Variants in BBOF1 observed in about 807,000 individuals in gnomAD.
The protein encoded by BBOF1 is basal body-orientation factor 1.
A neutral mutation model predicts 68.0 loss-of-function variants in BBOF1; 62 were observed. That is an observed-to-expected ratio of 0.91 (90% confidence interval 0.74 to 1.13). The LOEUF is 1.13. Ranked by LOEUF, BBOF1 falls within the 50% of genes most tolerant of loss-of-function variation. BBOF1 has a pLI of 0.00. For synonymous variants in BBOF1, 208 were observed against 198.8 expected (o/e 1.05, Z -0.39); for missense variants, 534 against 600.1 (o/e 0.89, Z 1.15).
chr14:74,053,678 A>AT (rs773808148), intron 8 of BBOF1, among the ~76,000 whole-genome samples: 3 of 150,512 alleles, frequency 2.0e-5, no homozygotes, highest in Non-Finnish European at 4.4e-5. Flanking sequence ...AAGCTCCAGG[A>AT]TTACAGGTGT....
At chr14:74,050,290 G>A (rs2060038038) in intron 8 of BBOF1, 95 bp downstream of exon 8, 5 of 1,347,458 alleles carry the variant, frequency 3.7e-6, no homozygotes, top group African/African-American at 1.5e-5. Context: ...TAATATTCAA[G>A]TATTGAATAG....
Position 74,059,627 on chromosome 14 carries a change from G to A in BBOF1, c.1578+2369G>A, listed in dbSNP as rs144507608. ...GGAGAATCGCTTGAACCTGGGAGGC[G>A]GAGGTTGCGGTGAGCTGAGATCACG... On this transcript the variant is annotated intron_variant, in intron 11 of 11. Coordinates refer to ENST00000394009, the MANE Select transcript of BBOF1 (RefSeq NM_025057.3). 0.011 allele frequency: 2,531 copies of A among 233,632 alleles called. 64 individuals are homozygous for A. The highest frequency in any genetic ancestry group is 0.054 in the African/African-American group (2,341 of 43,012). The allele number at this position is 233,632 out of a possible 1,614,324, so 14.5% of individuals were successfully genotyped here.
At chr14:74,032,481 G>A (rs1337539026) in intron 3 of BBOF1, among the ~76,000 whole-genome samples, 2 of 146,224 alleles carry the variant, frequency 1.4e-5, no homozygotes, top group South Asian at 2.2e-4. Context: ...TTCAATTTAC[G>A]TTTCTCTCTT....
At chr14:74,071,912 A>T (rs750775712) in intron 9 of BBOF1, 1 of 1,614,204 alleles carries the variant, frequency 6.2e-7, no homozygotes, top group Admixed American at 1.7e-5. Context: ...CTCGAAATAC[A>T]TCTCCTTCAG....
intron 11 of BBOF1, chr14:74,060,836 C>CACTTTATAA: frequency 1.1e-6 from 1 of 895,844 alleles, no homozygotes; most frequent in Non-Finnish European, 1.9e-6. Context: ...TTATAAAGTG[C>CACTTTATAA]TACTCACTTT....
At chr14:74,044,797 T>G (rs1176534980) in intron 5 of BBOF1, among the ~76,000 whole-genome samples, 1 of 151,990 alleles carries the variant, frequency 6.6e-6, no homozygotes, top group Non-Finnish European at 1.5e-5. Context: ...TGATGGTAGG[T>G]GCCTGTAATC....
chr14:74,062,282 T>C (rs1197390340), intron 11 of BBOF1, among the ~76,000 whole-genome samples: 2 of 152,012 alleles, frequency 1.3e-5, no homozygotes, highest in Non-Finnish European at 2.9e-5. Context: ...GAAATGTTAC[T>C]AGTATCAAAT....
At chr14:74,055,441 G>T (rs557140370) in intron 8 of BBOF1, 143 bp from the exon 9 acceptor site, 28 of 615,524 alleles carry the variant, frequency 4.5e-5, no homozygotes, top group Admixed American at 2.6e-4. Context: ...GAGCCACCGC[G>T]CCTGGCCTGT....
intron 3 of BBOF1, chr14:74,031,811 T>G (rs560039314): frequency 6.6e-6 from 1 of 152,338 alleles, no homozygotes; most frequent in South Asian, 2.1e-4. Context: ...TAGGATTTTT[T>G]GGGTTCACAC....
At position 74,064,761 on chromosome 14, in the gene BBOF1, C is replaced by G; in HGVS notation, c.*62C>G. ...GTCCCTTCCTTGCAGAATCCTTGCT[C>G]CTGAATATCTTTAAGAAAATTTCTT... On this transcript the variant is annotated 3_prime_UTR_variant, in exon 12 of 12. Coordinates refer to ENST00000394009, the MANE Select transcript of BBOF1 (RefSeq NM_025057.3). The G allele has an allele frequency of 1.2e-6, 2 of 1,610,884 alleles. No individual in the cohort carries two copies. Among genetic ancestry groups the G allele is most frequent in the Non-Finnish European group, 1.7e-6 (2 of 1,177,070 alleles).
intron 4 of BBOF1, among the ~76,000 whole-genome samples, chr14:74,035,810 CG>C (rs1043721433): frequency 2.0e-5 from 3 of 151,584 alleles, no homozygotes; most frequent in African/African-American, 7.3e-5. Context: ...GTAATCTGAG[CG>C]GGATGTAGAC....
intron 8 of BBOF1, among the ~76,000 whole-genome samples, chr14:74,053,607 A>G (rs114135801): frequency 0.013 from 2,023 of 151,534 alleles, 43 homozygotes; most frequent in African/African-American, 0.045. Flanking sequence ...GGGTTTCACT[A>G]CATTTCCCAG....
At chr14:74,027,106 A>G (rs1489272118) in intron 2 of BBOF1, among the ~76,000 whole-genome samples, 14 of 39,600 alleles carry the variant, frequency 3.5e-4, no homozygotes, top group African/African-American at 1.4e-3. Context: ...TTTTTTTTTG[A>G]GACAGAGTCT....
chr14:74,063,815 A>G (rs970238726), intron 11 of BBOF1, among the ~76,000 whole-genome samples: 38 of 150,756 alleles, frequency 2.5e-4, no homozygotes, highest in Non-Finnish European at 8.9e-5. Flanking sequence ...GCAGTGAGCC[A>G]AGATTGTGCC....
chr14:74,035,891 A>G (rs999681129), intron 4 of BBOF1, among the ~76,000 whole-genome samples: 2 of 151,984 alleles, frequency 1.3e-5, no homozygotes, highest in African/African-American at 4.8e-5. Flanking sequence ...TTTATTATTA[A>G]TAGTTAAAAG....
downstream of BBOF1, chr14:74,067,661 G>T: frequency 1.5e-6 from 2 of 1,366,746 alleles, no homozygotes; most frequent in Admixed American, 1.8e-5. Context: ...GGTGGCTAAT[G>T]CCTGTAATCC....
intron 5 of BBOF1, among the ~76,000 whole-genome samples, chr14:74,044,636 T>C (rs997519942): frequency 2.0e-5 from 3 of 151,776 alleles, no homozygotes; most frequent in Non-Finnish European, 4.4e-5. Context: ...TTAAAAAAAA[T>C]TTTTTTTGGC....
chr14:74,073,234 G>A (rs1028665619), intron 9 of BBOF1, among the ~76,000 whole-genome samples: 2 of 152,214 alleles, frequency 1.3e-5, no homozygotes, highest in Non-Finnish European at 1.5e-5. Flanking sequence ...CTCCTGAGCA[G>A]CTGGGACTAC....
intron 4 of BBOF1, among the ~76,000 whole-genome samples, chr14:74,039,292 G>A (rs1324399395): frequency 5.3e-5 from 8 of 152,200 alleles, no homozygotes; most frequent in East Asian, 1.9e-4. Context: ...ATAGATGCAC[G>A]GAATTCCATT....
Sources: gnomAD v4.1 joint callset for allele counts (sites outside exome capture counted in the v4.1 genomes callset) on GRCh38, gnomAD v4.1.1 for gene constraint, MANE v1.5 for transcripts, NCBI Gene and HGNC (gene_info 2026-07-23, HGNC 2026-07-21) for gene names.